Variants in SPSB4 observed in about 807,000 individuals in gnomAD.
The protein encoded by SPSB4 is splA/ryanodine receptor domain and SOCS box containing 4, also known as SPRY domain-containing SOCS box protein 4.
Under a neutral mutation model 20.9 loss-of-function variants are expected in SPSB4, and 21 were observed. The ratio of observed to expected loss-of-function variants is 1.01; its 90% confidence interval spans 0.71 to 1.45. The LOEUF (loss-of-function observed/expected upper bound fraction) is 1.45, where lower values mean the gene tolerates loss of function less well. SPSB4 is among the 40% of genes most tolerant of loss of function. The pLI, the probability that SPSB4 is intolerant of heterozygous loss-of-function variation, is 0.00. For synonymous variants in SPSB4, 207 were observed against 183.8 expected (o/e 1.13, Z -1.02); for missense variants, 399 against 399.2 (o/e 1.00, Z 0.00).
intron 2 of SPSB4, among the ~76,000 whole-genome samples, chr3:141,072,054 AC>A: frequency 6.6e-6 from 1 of 152,344 alleles, no homozygotes; most frequent in Non-Finnish European, 1.5e-5. Context: ...GGACATCTGG[AC>A]TTGGCCCCTC....
At chr3:141,076,196 G>A (rs529660653) in intron 2 of SPSB4, among the ~76,000 whole-genome samples, 67 of 152,274 alleles carry the variant, frequency 4.4e-4, no homozygotes, top group African/African-American at 1.5e-3. Context: ...CTCTGCCCTC[G>A]TCCTTGCCAC....
intron 2 of SPSB4, among the ~76,000 whole-genome samples, chr3:141,136,722 G>T (rs560641114): frequency 6.6e-6 from 1 of 152,080 alleles, no homozygotes; most frequent in African/African-American, 2.4e-5. Context: ...TACCAGTACC[G>T]TGCTGTTTTG....
intron 2 of SPSB4, chr3:141,132,047 T>C (rs1253728138): frequency 1.0e-5 from 2 of 198,368 alleles, no homozygotes; most frequent in East Asian, 3.7e-4. Context: ...CAGGTGGTTT[T>C]TGATTTCATG....
intron 2 of SPSB4, among the ~76,000 whole-genome samples, chr3:141,114,801 C>T (rs1162583139): frequency 1.3e-5 from 2 of 152,194 alleles, no homozygotes; most frequent in African/African-American, 4.8e-5. Context: ...TGTCCATAAA[C>T]CTCTAATGTC....
chr3:141,057,568 A>AG (rs1218187312), intron 1 of SPSB4, among the ~76,000 whole-genome samples: 5 of 152,140 alleles, frequency 3.3e-5, no homozygotes, highest in Non-Finnish European at 5.9e-5. Flanking sequence ...GACTCTGATG[A>AG]GGGACACCCG....
intron 2 of SPSB4, among the ~76,000 whole-genome samples, chr3:141,083,301 CTG>C (rs1347278863): frequency 6.6e-6 from 1 of 152,140 alleles, no homozygotes; most frequent in Non-Finnish European, 1.5e-5. Flanking sequence ...CCCATGGGGA[CTG>C]TGTACTGTGA....
chr3:141,071,737 G>A (rs9823690), intron 2 of SPSB4, among the ~76,000 whole-genome samples: 46,098 of 152,154 alleles, frequency 0.3, 10,768 homozygotes, highest in African/African-American at 0.65. Flanking sequence ...AGGGTGGAGC[G>A]TGGAAATACA....
At chr3:141,094,177 A>T (rs1938509128) in intron 2 of SPSB4, among the ~76,000 whole-genome samples, 1 of 151,924 alleles carries the variant, frequency 6.6e-6, no homozygotes, top group Non-Finnish European at 1.5e-5. Flanking sequence ...GCGTATGTCC[A>T]CCTTCTCTTC....
chr3:141,081,520 C>A (rs1938230109), intron 2 of SPSB4, among the ~76,000 whole-genome samples: 1 of 152,098 alleles, frequency 6.6e-6, no homozygotes, highest in African/African-American at 2.4e-5. Context: ...CAATGAGTGT[C>A]AGGCTGCAGG....
chr3:141,129,976 T>G (rs1939109411), intron 2 of SPSB4, among the ~76,000 whole-genome samples: 1 of 152,240 alleles, frequency 6.6e-6, no homozygotes, highest in Non-Finnish European at 1.5e-5. Flanking sequence ...AAGATGCTGC[T>G]TGTGTCCCAG....
chr3:141,122,637 G>A (rs1403763359), intron 2 of SPSB4, among the ~76,000 whole-genome samples: 1 of 152,212 alleles, frequency 6.6e-6, no homozygotes, highest in African/African-American at 2.4e-5. Flanking sequence ...GCCTACTCAA[G>A]CTTCAGCAAT....
intron 2 of SPSB4, among the ~76,000 whole-genome samples, chr3:141,120,512 G>A (rs1270572841): frequency 6.6e-6 from 1 of 151,838 alleles, no homozygotes; most frequent in Non-Finnish European, 1.5e-5. Context: ...ACAGTGGGGT[G>A]TTAAAGTCTC....
Position 141,081,990 on chromosome 3 carries a change from G to A in SPSB4, c.694+15192G>A, listed in dbSNP as rs1938241680. Among the ~76,000 whole-genome samples the A allele has an allele frequency of 2.6e-5, 4 of 152,168 alleles. No homozygotes were observed. The South Asian group carries it at 8.3e-4, about 32-fold the overall frequency. On this transcript the variant is annotated intron_variant, in intron 2 of 2. Transcript: ENST00000310546. ...GTAGACCATTTAGAGAAGGAGACCA[G>A]CCATGTCCCTCCTGTATCCCCAACA...
rs201476987 is a variant in SPSB4, at chr3:141,147,308, G to A, written c.*39G>A. 336 of 1,610,970 alleles carry A rather than the reference G, an allele frequency of 2.1e-4. No homozygotes were observed. Among genetic ancestry groups the A allele is most frequent in the African/African-American group, 1.5e-3 (111 of 75,016 alleles). On this transcript the variant is annotated 3_prime_UTR_variant, in exon 3 of 3. Transcript: ENST00000310546. ...GGCAGCACAGACACAGACACACACC[G>A]CAGGGCCCGACCCTCCTGTCATTCA...
rs756067273 is a variant in SPSB4 at position 141,106,135 on chromosome 3, G to A, written c.694+39337G>A. Among the ~76,000 whole-genome samples the A allele has an allele frequency of 3.9e-5, 6 of 152,372 alleles. No homozygotes were observed. In the South Asian group the frequency reaches 8.3e-4, roughly 21 times the overall value. ...GTCAGCCACTCCAGCCCTCTAGGTG[G>A]CAGATCCTTTTTTTGCAGCTCCTGT... On this transcript the variant is annotated intron_variant, in intron 2 of 2. Coordinates refer to ENST00000310546, the MANE Select transcript of SPSB4 (RefSeq NM_080862.3).
At position 141,104,874 on chromosome 3, in the gene SPSB4, A is replaced by C. The variant is rs1328419437; in HGVS notation, c.694+38076A>C. Among the ~76,000 whole-genome samples, 8 of 152,312 alleles carry C rather than the reference A, an allele frequency of 5.3e-5. No individual in the cohort carries two copies. The East Asian group carries it at 1.5e-3, about 29-fold the overall frequency. On this transcript the variant is annotated intron_variant, in intron 2 of 2. Transcript: ENST00000310546. Reference sequence around the variant, plus strand: ...GAGTTGAGGAGGTTTGAAGTGAACCAATGCTCCTTTTAAAAGAATTCTGTG... The same window carrying C: ...GAGTTGAGGAGGTTTGAAGTGAACCCATGCTCCTTTTAAAAGAATTCTGTG...
intron 2 of SPSB4, among the ~76,000 whole-genome samples, chr3:141,140,046 T>C (rs1939298150): frequency 6.6e-6 from 1 of 152,212 alleles, no homozygotes; most frequent in African/African-American, 2.4e-5. Flanking sequence ...TTTATTCTTT[T>C]TTCTCTAAAT....
intron 2 of SPSB4, among the ~76,000 whole-genome samples, chr3:141,088,416 AAC>A (rs1938391137): frequency 6.6e-6 from 1 of 152,224 alleles, no homozygotes; most frequent in African/African-American, 2.4e-5. Context: ...AAAAGGATAT[AAC>A]TGTGAAAATT....
intron 2 of SPSB4, among the ~76,000 whole-genome samples, chr3:141,138,894 A>T (rs1939274422): frequency 6.6e-6 from 1 of 152,044 alleles, no homozygotes; most frequent in Admixed American, 6.6e-5. Context: ...TATCCTTGTT[A>T]ACTTTCTGTC....
Sources: allele counts gnomAD v4.1 joint callset (sites outside exome capture counted in the v4.1 genomes callset), GRCh38; gene constraint gnomAD v4.1.1; transcripts MANE v1.5; gene names NCBI Gene and HGNC (gene_info 2026-07-23, HGNC 2026-07-21).